The following MTCL2 variants were observed in gnomAD, a reference collection of about 807,000 sequenced individuals.
The protein encoded by MTCL2 is microtubule crosslinking factor 2.
the MTCL2 span, among the ~76,000 whole-genome samples, chr20:36,842,751 A>G: frequency 2.0e-5 from 3 of 152,194 alleles, no homozygotes; most frequent in African/African-American, 7.2e-5. Context: ...CAGCCTGGGC[A>G]GCAGAGCGAG....
chr20:36,856,599 G>A, the MTCL2 span, among the ~76,000 whole-genome samples: 2 of 152,300 alleles, frequency 1.3e-5, no homozygotes, highest in Non-Finnish European at 2.9e-5. Flanking sequence ...GGGGGACTTC[G>A]GTGTAGCTTC....
chr20:36,802,846 T>C, the MTCL2 span: 1 of 1,532,492 alleles, frequency 6.5e-7, no homozygotes, highest in Non-Finnish European at 8.8e-7. Flanking sequence ...TTGGCAGGGG[T>C]GGGCCTCACC....
chr20:36,793,849 G>A, the MTCL2 span: 171 of 1,546,362 alleles, frequency 1.1e-4, 1 homozygote, highest in South Asian at 1.6e-3. This position sits in a 1 kb window ranked among gnomAD's most constrained non-coding sequence, Gnocchi z 6.8. Flanking sequence ...GCACAGACAC[G>A]AGCGAAGAGC....
At chr20:36,835,648 G>C in the MTCL2 span, among the ~76,000 whole-genome samples, 2 of 152,170 alleles carry the variant, frequency 1.3e-5, no homozygotes, top group Admixed American at 6.5e-5. Flanking sequence ...CCAGCACATG[G>C]GGCTCAGGGT....
At chr20:36,836,244 A>G in the MTCL2 span, among the ~76,000 whole-genome samples, 1 of 151,816 alleles carries the variant, frequency 6.6e-6, no homozygotes, top group African/African-American at 2.4e-5. Flanking sequence ...CTGCAATCAT[A>G]GCTCACTGAA....
At chr20:36,853,061 A>G in the MTCL2 span, among the ~76,000 whole-genome samples, 1 of 151,460 alleles carries the variant, frequency 6.6e-6, no homozygotes, top group Non-Finnish European at 1.5e-5. Context: ...CGTCTCCAAA[A>G]AAAAAAAAAA....
At chr20:36,859,934 A>T in the MTCL2 span, 1 of 1,230,318 alleles carries the variant, frequency 8.1e-7, no homozygotes, top group Non-Finnish European at 1.0e-6. Context: ...TCTGGGACCC[A>T]CTCTGGCCAC....
the MTCL2 span, among the ~76,000 whole-genome samples, chr20:36,821,081 C>G: frequency 2.0e-5 from 3 of 152,214 alleles, no homozygotes; most frequent in Non-Finnish European, 4.4e-5. Context: ...ATACAGTGAA[C>G]CCAGTCACCC....
chr20:36,839,296 G>T, the MTCL2 span: 3 of 1,612,378 alleles, frequency 1.9e-6, no homozygotes, highest in Non-Finnish European at 2.5e-6. The surrounding 1 kb of genome is among the most constrained non-coding windows in gnomAD (Gnocchi z 5.1). Flanking sequence ...GCGGCGCTCG[G>T]CTTTGCGCAG....
chr20:36,837,299 G>A, the MTCL2 span, among the ~76,000 whole-genome samples: 46 of 152,268 alleles, frequency 3.0e-4, no homozygotes, highest in African/African-American at 9.6e-4. Context: ...CAGAGCTTCC[G>A]AAGACAGGCA....
the MTCL2 span, among the ~76,000 whole-genome samples, chr20:36,811,917 C>A: frequency 1.2e-4 from 18 of 152,266 alleles, no homozygotes; most frequent in African/African-American, 2.9e-4. Flanking sequence ...TCCGTAGGAG[C>A]CTTTTCCTGC....
chr20:36,830,295 G>T, the MTCL2 span, among the ~76,000 whole-genome samples: 2 of 152,086 alleles, frequency 1.3e-5, no homozygotes, highest in Admixed American at 6.6e-5. Flanking sequence ...GGCTGGACAC[G>T]GTAGCTCACA....
At chr20:36,815,386 C>T in the MTCL2 span, 1 of 1,613,354 alleles carries the variant, frequency 6.2e-7, no homozygotes, top group Non-Finnish European at 8.5e-7. This position sits in a 1 kb window ranked among gnomAD's most constrained non-coding sequence, Gnocchi z 5.3. Context: ...CACTCGTTGT[C>T]CAGACACAGC....
chr20:36,862,631 C>T, the MTCL2 span: 1 of 1,483,106 alleles, frequency 6.7e-7, no homozygotes, highest in Non-Finnish European at 8.9e-7. Flanking sequence ...ACCCCTGCGA[C>T]CTCCCTTTCT....
chr20:36,793,863 G>A, the MTCL2 span: 6 of 1,548,258 alleles, frequency 3.9e-6, no homozygotes, highest in Middle Eastern at 1.7e-4. The surrounding 1 kb of genome is among the most constrained non-coding windows in gnomAD (Gnocchi z 6.8). Context: ...GAAGAGCTGC[G>A]GGGTGACCAG....
the MTCL2 span, among the ~76,000 whole-genome samples, chr20:36,819,018 T>C: frequency 6.6e-6 from 1 of 152,210 alleles, no homozygotes; most frequent in Non-Finnish European, 1.5e-5. Flanking sequence ...ACCTATCAGA[T>C]TGGCAAAAAT....
chr20:36,859,153 T>A, the MTCL2 span, among the ~76,000 whole-genome samples: 1 of 152,190 alleles, frequency 6.6e-6, no homozygotes, highest in Non-Finnish European at 1.5e-5. Flanking sequence ...AACTTGCCCA[T>A]GGCCACACAG....
chr20:36,815,850 G>A, the MTCL2 span: 12 of 1,601,362 alleles, frequency 7.5e-6, 1 homozygote, highest in South Asian at 1.3e-4. This position sits in a 1 kb window ranked among gnomAD's most constrained non-coding sequence, Gnocchi z 5.3. Flanking sequence ...CTCGAGCTCG[G>A]CAGAGGAGCG....
At chr20:36,850,349 C>T in the MTCL2 span, among the ~76,000 whole-genome samples, 4 of 152,086 alleles carry the variant, frequency 2.6e-5, no homozygotes, top group Non-Finnish European at 2.9e-5. Flanking sequence ...GTCAACATGG[C>T]GAAACCGTCT....
Sources: gnomAD v4.1 joint callset for allele counts (sites outside exome capture counted in the v4.1 genomes callset) on GRCh38, gnomAD v4.1.1 for gene constraint, Gnocchi (gnomAD v3.1) non-coding constraint, MANE v1.5 for transcripts, NCBI Gene and HGNC (gene_info 2026-07-23, HGNC 2026-07-21) for gene names.